The following WARS1 variants were observed in gnomAD, a reference collection of about 807,000 sequenced individuals.
The protein encoded by WARS1 is tryptophan--tRNA ligase, cytoplasmic.
Under a neutral mutation model 47.8 loss-of-function variants are expected in WARS1, and 17 were observed. That is an observed-to-expected ratio of 0.36 (90% CI 0.24 to 0.53). The LOEUF (loss-of-function observed/expected upper bound fraction) is 0.53, where lower values mean the gene tolerates loss of function less well. Ranked by LOEUF, WARS1 falls within the 20% of genes least tolerant of loss-of-function variation. The pLI, the probability that WARS1 is intolerant of heterozygous loss-of-function variation, is 0.91. For missense variants in WARS1, 434 were observed against 608.0 expected (o/e 0.71, Z 3.01); for synonymous variants, 208 against 228.1 (o/e 0.91, Z 0.79).
chr14:100,358,850 G>T (rs1303879952), intron 4 of WARS1, among the ~76,000 whole-genome samples: 1 of 152,184 alleles, frequency 6.6e-6, no homozygotes, highest in Non-Finnish European at 1.5e-5. Context: ...CAATTAAAAA[G>T]TAGGCAAAGG....
At chr14:100,351,992 C>CA (rs1252600803) in intron 6 of WARS1, among the ~76,000 whole-genome samples, 25 of 59,746 alleles carry the variant, frequency 4.2e-4, no homozygotes, top group East Asian at 1.2e-3. Context: ...GACTCCGTCT[C>CA]AAAAAAAAAA....
rs781168427 is a variant in WARS1 at position 100,353,918 on chromosome 14, G to T, written c.543-49C>A. 3 of 1,551,292 alleles carry T rather than the reference G, an allele frequency of 1.9e-6. No homozygotes were observed. The South Asian group carries it at 3.5e-5, about 18-fold the overall frequency. ...GCTGACGTCTCATCTCCCCTGTGGA[G>T]GAACGCCATCGTGCATCTGAAAACA... On this transcript the variant is annotated intron_variant, in intron 5 of 10. Coordinates refer to ENST00000392882, the MANE Select transcript of WARS1 (RefSeq NM_004184.4).
intron 4 of WARS1, among the ~76,000 whole-genome samples, chr14:100,360,142 T>C (rs1895568972): frequency 6.6e-6 from 1 of 152,270 alleles, no homozygotes; most frequent in South Asian, 2.1e-4. Flanking sequence ...TCTGTTGGTA[T>C]TGTTTATGAG....
chr14:100,363,634 T>C (rs1251252585), intron 2 of WARS1, among the ~76,000 whole-genome samples: 1 of 151,968 alleles, frequency 6.6e-6, no homozygotes, highest in African/African-American at 2.4e-5. Flanking sequence ...GAGGCAGAGG[T>C]TGCAGTGAGC....
intron 10 of WARS1, among the ~76,000 whole-genome samples, chr14:100,335,318 C>T (rs1893645953): frequency 6.6e-6 from 1 of 152,178 alleles, no homozygotes; most frequent in Non-Finnish European, 1.5e-5. Flanking sequence ...TGCTAGGGGC[C>T]ATTCCCCCAG....
At chr14:100,335,286 G>A (rs550160118) in intron 10 of WARS1, among the ~76,000 whole-genome samples, 1 of 152,306 alleles carries the variant, frequency 6.6e-6, no homozygotes, top group South Asian at 2.1e-4. Flanking sequence ...CCAATGGGGA[G>A]GGCAGTCCCC....
chr14:100,373,794 T>C lies in WARS1; in HGVS notation c.-74+1489A>G, dbSNP rs1896475712. Among the ~76,000 whole-genome samples the C allele has an allele frequency of 6.6e-6, 1 of 151,560 alleles. No homozygotes were observed. Among genetic ancestry groups the C allele is most frequent in the Non-Finnish European group, 1.5e-5 (1 of 67,966 alleles). On this transcript the variant is annotated intron_variant, in intron 1 of 10. Transcript: ENST00000392882. This position sits in a 1 kb window ranked among gnomAD's most constrained non-coding sequence, Gnocchi z 4.4. ...GATCATGATCACAAGGCATATACTTTGCGTGGGAATCATCCACACTATTGA... is the reference window on the plus strand; with the variant it reads ...GATCATGATCACAAGGCATATACTTCGCGTGGGAATCATCCACACTATTGA...
chr14:100,355,205 ATG>A (rs935760304), intron 4 of WARS1, among the ~76,000 whole-genome samples: 8 of 151,808 alleles, frequency 5.3e-5, no homozygotes, highest in African/African-American at 1.7e-4. Context: ...CTCTCTGGGA[ATG>A]TGTTTGTTTG....
At chr14:100,351,811 G>C (rs1894999971) in intron 6 of WARS1, among the ~76,000 whole-genome samples, 1 of 152,042 alleles carries the variant, frequency 6.6e-6, no homozygotes, top group South Asian at 2.1e-4. Context: ...GGCTAACACA[G>C]TGAAACCCCG....
At chr14:100,344,318 C>T (rs1264652978) in intron 7 of WARS1, among the ~76,000 whole-genome samples, 5 of 152,204 alleles carry the variant, frequency 3.3e-5, no homozygotes, top group Admixed American at 2.0e-4. Context: ...CTCCTAACCG[C>T]GAGTGATCAG....
rs142970960 is a variant in WARS1, at chr14:100,353,336, C to T, written c.725+351G>A. On this transcript the variant is annotated intron_variant, in intron 6 of 10. Transcript: ENST00000392882. ...CGTGATCTCAACTCACTGTAACCTC[C>T]ACCTCCCGGGTTCAAGCGATTCTCC... 6.4e-3 allele frequency among the ~76,000 whole-genome samples: 970 copies of T among 152,226 alleles called. 6 individuals carry two copies. Among genetic ancestry groups the T allele is most frequent in the Non-Finnish European group, 0.01 (706 of 68,010 alleles).
intron 2 of WARS1, 96 bp from the exon 3 acceptor site, chr14:100,362,017 T>A: frequency 6.4e-6 from 8 of 1,254,114 alleles, no homozygotes; most frequent in African/African-American, 1.5e-5. Context: ...TAAATGCTTT[T>A]ACACGTGTTA....
At chr14:100,370,291 C>T (rs1458339950) in intron 1 of WARS1, 2 of 152,190 alleles carry the variant, frequency 1.3e-5, no homozygotes, top group African/African-American at 2.4e-5. Context: ...TCAAACCTTT[C>T]TTGGCTCAAT....
At chr14:100,374,086 C>A (rs1467734871) in intron 1 of WARS1, 1 of 152,168 alleles carries the variant, frequency 6.6e-6, no homozygotes, top group Non-Finnish European at 1.5e-5. Flanking sequence ...TTAATGCTTG[C>A]AAGTACATTG....
At position 100,335,025 on chromosome 14, in the gene WARS1, G is replaced by C; in HGVS notation, c.1266C>G (p.Ser422Arg). The C allele has an allele frequency of 3.7e-6, 6 of 1,613,820 alleles. No homozygotes were observed. Among genetic ancestry groups the C allele is most frequent in the Non-Finnish European group, 5.1e-6 (6 of 1,179,898 alleles). The part of the protein sequence containing the change: ...KLEQIRKDYT[S>R]GAMLTGELKK... The stretch of plus-strand genomic sequence containing the variant: ...TGAGCTCACCGGTGAGCATGGCTCC[G>C]CTGGTGTAATCCTGCCCGGAGGGAG... The change falls in exon 11 of 11, where the codon AGC (serine) becomes AGG (arginine). Residue 422 changes from serine (S) to arginine (R), a missense_variant. Ser to Arg is a moderately radical substitution (Grantham distance 110). This residue lies in a region of WARS1 where 347 missense variants were observed against 523.8 expected (regional missense o/e 0.66). Transcript: ENST00000392882.
At chr14:100,361,251 G>A (rs558547786) in intron 3 of WARS1, among the ~76,000 whole-genome samples, 2 of 152,348 alleles carry the variant, frequency 1.3e-5, no homozygotes, top group East Asian at 3.9e-4. Context: ...TTCCTGAGCA[G>A]GAAGGCCCTC....
At chr14:100,343,230 G>C (rs141392530) in intron 8 of WARS1, 45 bp downstream of exon 8, 2 of 1,520,834 alleles carry the variant, frequency 1.3e-6, no homozygotes, top group Non-Finnish European at 1.8e-6. Context: ...GGAACCTGCT[G>C]TCAATGCCCC....
intron 9 of WARS1, among the ~76,000 whole-genome samples, chr14:100,339,358 A>C (rs185451882): frequency 2.0e-5 from 3 of 152,084 alleles, no homozygotes; most frequent in African/African-American, 7.2e-5. Flanking sequence ...TTGGGAGGCC[A>C]AGGCGGGCAG....
intron 6 of WARS1, among the ~76,000 whole-genome samples, chr14:100,349,871 G>A (rs1444067266): frequency 2.0e-5 from 3 of 152,230 alleles, no homozygotes; most frequent in Admixed American, 6.5e-5. Context: ...ACACCAGGAA[G>A]GAGCTTTATT....
Sources: allele counts gnomAD v4.1 joint callset (sites outside exome capture counted in the v4.1 genomes callset), GRCh38; gene constraint gnomAD v4.1.1; regional missense constraint gnomAD v4.1.1; non-coding constraint Gnocchi (gnomAD v3.1); transcripts MANE v1.5; gene names NCBI Gene and HGNC (gene_info 2026-07-23, HGNC 2026-07-21).